The following STARD9 variants were observed in gnomAD, a reference collection of about 807,000 sequenced individuals.
The protein encoded by STARD9 is StAR related lipid transfer domain containing 9.
STARD9 carries 346 observed loss-of-function variants against 399.8 expected under a neutral mutation model. The observed-to-expected ratio is 0.87, with a 90% CI of 0.79 to 0.95. The LOEUF (loss-of-function observed/expected upper bound fraction) is 0.95. Ranked by LOEUF, STARD9 falls within the 40% of genes least tolerant of loss-of-function variation. STARD9 has a pLI of 0.00. For missense variants in STARD9, 5,832 were observed against 5,667.5 expected, an observed-to-expected ratio of 1.03 and a Z score of -0.93; for synonymous variants, 2,203 against 2,143.5, an observed-to-expected ratio of 1.03 and a Z score of -0.77.
Position 42,688,347 on chromosome 15 carries a change from G to A in STARD9, c.6769G>A (p.Val2257Ile). The part of the protein sequence containing the change: ...ETVKGFQESQ[V>I]AEHVSSSNQE... ...TGTGAAAGGTTTTCAGGAAAGCCAA[G>A]TAGCTGAACACGTAAGTAGTTCCAA... Residue 2257 changes from valine (V) to isoleucine (I), a missense_variant, in exon 23 of 33, where the codon GTA becomes ATA. This residue lies in a region of STARD9 where 5,828 missense variants were observed against 5,651.1 expected (regional missense o/e 1.03). Transcript: ENST00000290607. 2 of 1,536,864 alleles carry A rather than the reference G, an allele frequency of 1.3e-6. No homozygotes were observed. The highest frequency in any genetic ancestry group is 1.7e-6 in the Non-Finnish European group (2 of 1,146,970).
intron 26 of STARD9, among the ~76,000 whole-genome samples, chr15:42,712,074 ATATATAT>A (rs1382497406): frequency 4.5e-4 from 17 of 37,978 alleles, no homozygotes; most frequent in Admixed American, 1.6e-3. Context: ...TTATATATAT[ATATATAT>A]TATATATATA....
chr15:42,626,408 TTCC>T (rs764365243), intron 3 of STARD9, among the ~76,000 whole-genome samples: 374 of 137,278 alleles, frequency 2.7e-3, no homozygotes, highest in Admixed American at 4.4e-3. Context: ...CCTCCTCTTC[TTCC>T]TCCTCCTCCT....
At chr15:42,669,520 TG>T in intron 16 of STARD9, 183 bp downstream of exon 16, 1 of 477,378 alleles carries the variant, frequency 2.1e-6, no homozygotes. Flanking sequence ...TGCCTTCGTA[TG>T]TATAGAGCAG....
intron 20 of STARD9, among the ~76,000 whole-genome samples, chr15:42,680,220 T>C (rs1020271692): frequency 6.6e-5 from 10 of 152,154 alleles, no homozygotes; most frequent in Non-Finnish European, 1.0e-4. Flanking sequence ...AGCAAGTAGG[T>C]AGAAGCTGTC....
chr15:42,717,005 A>C lies in STARD9; in HGVS notation c.13451A>C (p.Tyr4484Ser), dbSNP rs944257363. 3 of 1,536,970 alleles carry C rather than the reference A, an allele frequency of 2.0e-6. No individual in the cohort carries two copies. The highest frequency in any genetic ancestry group is 1.4e-5 in the African/African-American group (1 of 72,962). ...SSLGTCFSSS[Y>S]QDLAKHVVDT... ...TTGGGGACCTGCTTTTCCTCCTCCT[A>C]CCAGGATTTGGCCAAGCATGTCGTG... The change falls in exon 28 of 33, where the codon TAC (tyrosine) becomes TCC (serine). Residue 4484 changes from tyrosine (Y) to serine (S), a missense_variant. By Grantham distance (144) the Tyr-to-Ser change is moderately radical. This residue lies in a region of STARD9 where 5,828 missense variants were observed against 5,651.1 expected (regional missense o/e 1.03). Coordinates refer to ENST00000290607, the MANE Select transcript of STARD9 (RefSeq NM_020759.3).
Position 42,719,416 on chromosome 15 carries a change from C to T in STARD9, c.14002-57C>T, listed in dbSNP as rs1156277470. 32 of 1,153,106 alleles carry T rather than the reference C, an allele frequency of 2.8e-5. No homozygotes were observed. In the East Asian group the frequency reaches 3.1e-4, roughly 11 times the overall value. 71.4% of individuals were successfully genotyped at this position (1,153,106 alleles called of 1,614,324 possible). On this transcript the variant is annotated intron_variant, in intron 32 of 32. Coordinates refer to ENST00000290607, the MANE Select transcript of STARD9 (RefSeq NM_020759.3). Reference sequence around the variant, plus strand: ...GAGGGGACTCCATGGGACTGGAGTACGCCTGGCATTCTCTCAAATCTATTT... The same window carrying T: ...GAGGGGACTCCATGGGACTGGAGTATGCCTGGCATTCTCTCAAATCTATTT...
chr15:42,691,339 T>C lies in STARD9; in HGVS notation c.9761T>C (p.Val3254Ala), dbSNP rs1425357243. 6.5e-7 allele frequency: 1 copy of C among 1,537,114 alleles called. No homozygotes were observed. The highest frequency in any genetic ancestry group is 2.4e-5 in the East Asian group (1 of 40,926). Reference protein sequence around the residue: ...ILDAGREEVAVAKPPVSKILS... With the variant: ...ILDAGREEVAAAKPPVSKILS... ...GATGCTGGGAGAGAGGAGGTGGCTG[T>C]GGCCAAGCCTCCTGTGTCCAAGATT... The change falls in exon 23 of 33, where the codon GTG becomes GCG. Residue 3254 changes from valine to alanine, a missense_variant. By Grantham distance (64) the Val-to-Ala change is moderately conservative (BLOSUM62 0). Transcript: ENST00000290607.
chr15:42,717,426 C>G (rs1008694315), intron 28 of STARD9, among the ~76,000 whole-genome samples: 1 of 151,838 alleles, frequency 6.6e-6, no homozygotes, highest in East Asian at 1.9e-4. Flanking sequence ...AGTTCAAGAC[C>G]AGCCTGGGCA....
At chr15:42,597,359 A>G (rs1159988481) in intron 3 of STARD9, among the ~76,000 whole-genome samples, 1 of 151,896 alleles carries the variant, frequency 6.6e-6, no homozygotes, top group Non-Finnish European at 1.5e-5. Context: ...TGGTGCATGC[A>G]TATATATGTA....
At position 42,692,550 on chromosome 15, in the gene STARD9, T is replaced by G; in HGVS notation, c.10972T>G (p.Phe3658Val). Residue 3658 changes from phenylalanine to valine, a missense_variant, in exon 23 of 33, where the codon TTT becomes GTT. Phe to Val is a conservative substitution (Grantham distance 50). Transcript: ENST00000290607. ...RRHWSSTDISFAQPEASAVSA... is the reference protein window; with the variant it reads ...RRHWSSTDISVAQPEASAVSA... The stretch of plus-strand genomic sequence containing the variant: ...CCACTGGAGCAGCACTGACATCTCC[T>G]TTGCTCAGCCTGAAGCCAGTGCAGT... 6.5e-7 allele frequency: 1 copy of G among 1,537,222 alleles called. No homozygotes were observed. Among genetic ancestry groups the G allele is most frequent in the Non-Finnish European group, 8.7e-7 (1 of 1,146,918 alleles).
chr15:42,662,603 C>T (rs537314110), intron 10 of STARD9, among the ~76,000 whole-genome samples, 191 bp from the exon 11 acceptor site: 35 of 152,198 alleles, frequency 2.3e-4, no homozygotes, highest in South Asian at 1.2e-3. Context: ...TTTTTATTGC[C>T]TGAGAAGCAG....
At chr15:42,635,049 G>GA in intron 4 of STARD9, 77 bp downstream of exon 4, 2 of 677,722 alleles carry the variant, frequency 3.0e-6, no homozygotes, top group Non-Finnish European at 4.6e-6. Context: ...CTGTGAGACA[G>GA]AATATGATTT....
chr15:42,661,902 C>T (rs889672503), intron 10 of STARD9, among the ~76,000 whole-genome samples: 5 of 152,150 alleles, frequency 3.3e-5, no homozygotes, highest in Non-Finnish European at 7.3e-5. Context: ...CCACTGCTCT[C>T]AGTGAAGGTA....
intron 3 of STARD9, among the ~76,000 whole-genome samples, chr15:42,620,392 G>T (rs2059064707): frequency 1.3e-5 from 2 of 151,872 alleles, no homozygotes; most frequent in Non-Finnish European, 2.9e-5. Flanking sequence ...GAGGCAGGAG[G>T]GTTGTTTGAG....
intron 16 of STARD9, among the ~76,000 whole-genome samples, chr15:42,673,289 C>T (rs1361892417): frequency 6.6e-6 from 1 of 151,958 alleles, no homozygotes; most frequent in African/African-American, 2.4e-5. Context: ...GTAGTCCCAG[C>T]TAGTTGGGAG....
chr15:42,587,357 G>C (rs10163179), intron 3 of STARD9, among the ~76,000 whole-genome samples: 5,573 of 152,068 alleles, frequency 0.037, 365 homozygotes, highest in African/African-American at 0.13. Flanking sequence ...AAATAAGACC[G>C]TAGACCACTG....
chr15:42,691,679 CT>C lies in STARD9; in HGVS notation c.10102del (p.Ser3368GlnfsTer33), dbSNP rs1237810698. On this transcript the variant is annotated frameshift_variant, in exon 23 of 33. Coordinates refer to ENST00000290607, the MANE Select transcript of STARD9 (RefSeq NM_020759.3). LOFTEE classifies it high-confidence loss of function. ...LWNPHLRGYS[S>X]GKSVARTSLQ... ...GGAACCCACATCTCAGGGGCTATTCCTCAGGAAAGTCAGTGGCAAGAACATC... is the reference window on the plus strand; with the variant it reads ...GGAACCCACATCTCAGGGGCTATTCCCAGGAAAGTCAGTGGCAAGAACATC... The C allele has an allele frequency of 1.3e-6, 2 of 1,537,270 alleles. No individual in the cohort carries two copies. The highest frequency in any genetic ancestry group is 1.7e-6 in the Non-Finnish European group (2 of 1,146,920).
At chr15:42,640,599 A>T (rs997959436) in intron 7 of STARD9, among the ~76,000 whole-genome samples, 36 of 152,078 alleles carry the variant, frequency 2.4e-4, no homozygotes, top group African/African-American at 8.5e-4. Context: ...AGGCGGGCAG[A>T]ACATGAGGTC....
rs1263502013 is a variant in STARD9 at position 42,694,548 on chromosome 15, C to T, written c.12785C>T (p.Thr4262Ile). The change falls in exon 24 of 33, where the codon ACC becomes ATC. Residue 4262 changes from threonine (T) to isoleucine (I), a missense_variant. This residue lies in a region of STARD9 where 5,828 missense variants were observed against 5,651.1 expected (regional missense o/e 1.03). Coordinates refer to ENST00000290607, the MANE Select transcript of STARD9 (RefSeq NM_020759.3). ...LYARQKKAIE[T>I]LRRERAERLG... is the part of the protein sequence containing the mutation. ...CTCAGGCAAAAAAAGGCCATTGAGACCCTCAGGAGAGAGCGGGCTGAGCGA... is the reference window on the plus strand; with the variant it reads ...CTCAGGCAAAAAAAGGCCATTGAGATCCTCAGGAGAGAGCGGGCTGAGCGA... The T allele has an allele frequency of 1.3e-6, 2 of 1,537,172 alleles. No homozygotes were observed. The highest frequency in any genetic ancestry group is 8.7e-7 in the Non-Finnish European group (1 of 1,146,900).
Sources: allele counts gnomAD v4.1 joint callset (sites outside exome capture counted in the v4.1 genomes callset), GRCh38; gene constraint gnomAD v4.1.1; regional missense constraint gnomAD v4.1.1; transcripts MANE v1.5; gene names NCBI Gene and HGNC (gene_info 2026-07-23, HGNC 2026-07-21).